MSRA: variants seen among roughly 807,000 people sequenced by gnomAD.
MSRA encodes the protein methionine sulfoxide reductase A.
In MSRA, 54 loss-of-function variants were observed where a neutral mutation model predicts 31.3. The observed-to-expected ratio is 1.73, with a 90% CI of 1.39 to 2.17. The LOEUF (loss-of-function observed/expected upper bound fraction) is 2.17, where lower values mean the gene tolerates loss of function less well. MSRA is among the 30% of genes most tolerant of loss of function. MSRA has a pLI of 0.00. For missense variants in MSRA, 507 were observed against 300.9 expected (o/e 1.69, Z -5.07); for synonymous variants, 169 against 116.5 (o/e 1.45, Z -2.90).
intron 1 of MSRA, among the ~76,000 whole-genome samples, chr8:10,150,917 T>G (rs560112856): frequency 6.6e-6 from 1 of 152,134 alleles, no homozygotes; most frequent in East Asian, 1.9e-4. Context: ...ATCAGTAAGG[T>G]GTGGCGTGGA....
intron 1 of MSRA, among the ~76,000 whole-genome samples, chr8:10,137,885 G>C (rs1171463879): frequency 6.6e-6 from 1 of 152,150 alleles, no homozygotes; most frequent in Non-Finnish European, 1.5e-5. Context: ...TTTATACATT[G>C]TTTTATTTGA....
intron 3 of MSRA, among the ~76,000 whole-genome samples, chr8:10,271,199 A>T (rs1799017994): frequency 1.3e-5 from 2 of 152,158 alleles, no homozygotes; most frequent in Non-Finnish European, 2.9e-5. Flanking sequence ...TCACTATATC[A>T]ATGATACACA....
At chr8:10,390,172 G>T (rs1009004656) in intron 5 of MSRA, among the ~76,000 whole-genome samples, 2 of 152,240 alleles carry the variant, frequency 1.3e-5, no homozygotes, top group African/African-American at 4.8e-5. Flanking sequence ...GTACCTTGGG[G>T]AGTGCTCGGC....
intron 3 of MSRA, among the ~76,000 whole-genome samples, chr8:10,265,518 A>G (rs1005941102): frequency 1.3e-5 from 2 of 152,204 alleles, no homozygotes; most frequent in African/African-American, 2.4e-5. Flanking sequence ...ATGACTCAGC[A>G]TTGTCAGGCA....
intron 4 of MSRA, among the ~76,000 whole-genome samples, chr8:10,311,083 C>G (rs568365660): frequency 2.6e-5 from 4 of 152,246 alleles, no homozygotes; most frequent in African/African-American, 9.6e-5. Context: ...CTAGACTTCA[C>G]ATAAAAGAGT....
intron 1 of MSRA, among the ~76,000 whole-genome samples, chr8:10,160,325 C>T (rs548912022): frequency 7.2e-5 from 11 of 152,120 alleles, no homozygotes; most frequent in Admixed American, 2.0e-4. Flanking sequence ...TAAACTCCGT[C>T]TCTACTAAAA....
chr8:10,089,942 G>A (rs186444465), intron 1 of MSRA, among the ~76,000 whole-genome samples: 9 of 152,254 alleles, frequency 5.9e-5, no homozygotes, highest in East Asian at 1.9e-4. Context: ...CACCTTCCAC[G>A]AGGCACCACC....
intron 1 of MSRA, among the ~76,000 whole-genome samples, chr8:10,190,297 G>T (rs889404859): frequency 1.3e-5 from 2 of 152,142 alleles, no homozygotes; most frequent in African/African-American, 4.8e-5. Context: ...TGTTTCTGCA[G>T]CCCTCCCCAC....
At position 10,320,173 on chromosome 8, in the gene MSRA, T is replaced by A. The variant is rs139386926; in HGVS notation, c.543+184T>A. 9.0e-4 allele frequency: 410 copies of A among 453,598 alleles called. 5 individuals are homozygous for A. Among genetic ancestry groups the A allele is most frequent in the Middle Eastern group, 7.6e-3 (13 of 1,720 alleles). 28.1% of individuals were successfully genotyped at this position (453,598 alleles called of 1,614,324 possible). Reference sequence around the variant, plus strand: ...CTAATACGTGTGCTAAATGAGGTTTTAAGAGTAGGCCTGGGCCAGGGCCAG... The same window carrying A: ...CTAATACGTGTGCTAAATGAGGTTTAAAGAGTAGGCCTGGGCCAGGGCCAG... On this transcript the variant is annotated intron_variant, in intron 5 of 5. Transcript: ENST00000317173.
At chr8:10,117,620 G>A (rs1027205812) in intron 1 of MSRA, among the ~76,000 whole-genome samples, 1 of 152,220 alleles carries the variant, frequency 6.6e-6, no homozygotes, top group African/African-American at 2.4e-5. Flanking sequence ...GATATAGATA[G>A]TCTGTAATTT....
chr8:10,098,228 A>G (rs1202631394), intron 1 of MSRA, among the ~76,000 whole-genome samples: 1 of 152,174 alleles, frequency 6.6e-6, no homozygotes, highest in Non-Finnish European at 1.5e-5. Context: ...GTTTGATTGT[A>G]AATGAACCCT....
chr8:10,366,876 G>A (rs965648056), intron 5 of MSRA, among the ~76,000 whole-genome samples: 3 of 152,060 alleles, frequency 2.0e-5, no homozygotes, highest in Non-Finnish European at 2.9e-5. Context: ...GCCAGACCAC[G>A]CTGTTGCCTC....
intron 5 of MSRA, among the ~76,000 whole-genome samples, chr8:10,393,912 C>T (rs916268681): frequency 5.9e-5 from 9 of 152,168 alleles, no homozygotes; most frequent in African/African-American, 2.2e-4. Context: ...ATGTGTATAA[C>T]TGTATGGTCT....
chr8:10,117,699 T>A (rs1290774929), intron 1 of MSRA, among the ~76,000 whole-genome samples: 1 of 152,212 alleles, frequency 6.6e-6, no homozygotes, highest in Admixed American at 6.5e-5. Flanking sequence ...GCAAATACAT[T>A]TCAGGGTCTT....
At chr8:10,159,606 TA>T (rs1436987407) in intron 1 of MSRA, among the ~76,000 whole-genome samples, 1 of 152,208 alleles carries the variant, frequency 6.6e-6, no homozygotes, top group African/African-American at 2.4e-5. Context: ...TGTTGCAGGA[TA>T]ACATCTCTGT....
chr8:10,292,393 A>G (rs528599464), intron 3 of MSRA, among the ~76,000 whole-genome samples: 1 of 152,374 alleles, frequency 6.6e-6, no homozygotes, highest in South Asian at 2.1e-4. Context: ...CATACTTGTA[A>G]GCACTGAGCA....
intron 5 of MSRA, among the ~76,000 whole-genome samples, chr8:10,349,135 ATAAAT>A (rs1338550720): frequency 6.6e-6 from 1 of 152,282 alleles, no homozygotes; most frequent in African/African-American, 2.4e-5. Flanking sequence ...CATGATAATC[ATAAAT>A]TAAAACAATT....
chr8:10,247,463 T>A (rs1797682130), intron 3 of MSRA, among the ~76,000 whole-genome samples: 1 of 152,230 alleles, frequency 6.6e-6, no homozygotes, highest in African/African-American at 2.4e-5. Flanking sequence ...GGTATATTTT[T>A]AATTATATTA....
At chr8:10,395,280 G>C (rs555922027) in intron 5 of MSRA, among the ~76,000 whole-genome samples, 2 of 152,148 alleles carry the variant, frequency 1.3e-5, no homozygotes, top group Non-Finnish European at 2.9e-5. Context: ...CATTGCAAAG[G>C]GCTGCAGTGG....
Sources: gnomAD v4.1 joint callset for allele counts (sites outside exome capture counted in the v4.1 genomes callset) on GRCh38, gnomAD v4.1.1 for gene constraint, MANE v1.5 for transcripts, NCBI Gene and HGNC (gene_info 2026-07-23, HGNC 2026-07-21) for gene names.